IGSF11: variants seen among roughly 807,000 people sequenced by gnomAD.
IGSF11 encodes immunoglobulin superfamily member 11.
IGSF11 carries 22 observed loss-of-function variants against 41.0 expected under a neutral mutation model. The observed-to-expected ratio is 0.54, with a 90% confidence interval of 0.38 to 0.77. IGSF11 has a LOEUF of 0.77. Ranked by LOEUF, IGSF11 falls within the 30% of genes least tolerant of loss-of-function variation. The pLI is 0.00. For synonymous variants in IGSF11, 219 were observed against 201.3 expected (o/e 1.09, Z -0.74); for missense variants, 444 against 530.8 (o/e 0.84, Z 1.61).
At chr3:118,959,875 G>A (rs957270750) in intron 1 of IGSF11, among the ~76,000 whole-genome samples, 47 of 151,914 alleles carry the variant, frequency 3.1e-4, no homozygotes, top group Middle Eastern at 6.8e-3. Context: ...GTGAAACCCC[G>A]CCTCTAAAAA....
chr3:119,120,956 A>G (rs1482172902), intron 1 of IGSF11, among the ~76,000 whole-genome samples: 1 of 152,242 alleles, frequency 6.6e-6, no homozygotes, highest in Non-Finnish European at 1.5e-5. Flanking sequence ...CTAACTGCCT[A>G]AAACTAGTAT....
chr3:119,120,525 T>C (rs1241471097), intron 1 of IGSF11, among the ~76,000 whole-genome samples: 2 of 152,220 alleles, frequency 1.3e-5, no homozygotes, highest in Non-Finnish European at 2.9e-5. Context: ...GGTCTCTGGT[T>C]TGCAGTGGAA....
At chr3:119,128,386 G>T (rs2077432952) in intron 1 of IGSF11, among the ~76,000 whole-genome samples, 2 of 151,820 alleles carry the variant, frequency 1.3e-5, no homozygotes, top group South Asian at 4.2e-4. Context: ...GAGAAACAGA[G>T]AAAGAGAGAG....
At chr3:118,910,051 C>T (rs1940077808) in intron 4 of IGSF11, among the ~76,000 whole-genome samples, 1 of 152,156 alleles carries the variant, frequency 6.6e-6, no homozygotes, top group Non-Finnish European at 1.5e-5. Flanking sequence ...AAGCTACAAG[C>T]AAGACCAACT....
chr3:119,003,790 G>C (rs994670707), intron 1 of IGSF11, among the ~76,000 whole-genome samples: 10 of 151,478 alleles, frequency 6.6e-5, no homozygotes, highest in African/African-American at 2.4e-4. Flanking sequence ...TATTGAACCA[G>C]CCTTGCATCC....
chr3:118,922,472 A>G (rs1462305058), intron 4 of IGSF11, among the ~76,000 whole-genome samples: 1 of 152,012 alleles, frequency 6.6e-6, no homozygotes, highest in Non-Finnish European at 1.5e-5. Flanking sequence ...TTTCTAGCAT[A>G]CAATACAGTA....
chr3:119,040,727 C>CACTGA (rs1559828912), intron 1 of IGSF11, among the ~76,000 whole-genome samples: 1 of 152,114 alleles, frequency 6.6e-6, no homozygotes, highest in East Asian at 1.9e-4. Flanking sequence ...GATCATGACA[C>CACTGA]ATGTAGATAC....
chr3:118,962,858 A>T (rs1945434459), intron 1 of IGSF11, among the ~76,000 whole-genome samples: 1 of 152,172 alleles, frequency 6.6e-6, no homozygotes, highest in Admixed American at 6.5e-5. Flanking sequence ...AGAAATAAGG[A>T]GGAAAACAGT....
At chr3:118,942,441 C>T (rs1228300246) in intron 1 of IGSF11, among the ~76,000 whole-genome samples, 1 of 152,214 alleles carries the variant, frequency 6.6e-6, no homozygotes, top group African/African-American at 2.4e-5. Flanking sequence ...CAACATAGAA[C>T]TTGTTCTGTC....
chr3:119,112,580 G>A (rs13080735), intron 1 of IGSF11: 17,677 of 152,626 alleles, frequency 0.12, 1,153 homozygotes, highest in East Asian at 0.23. Context: ...GCTTTGGCTC[G>A]TGCATGGTAC....
chr3:119,104,364 C>T (rs1413241403), intron 1 of IGSF11, among the ~76,000 whole-genome samples: 5 of 152,154 alleles, frequency 3.3e-5, no homozygotes, highest in South Asian at 2.1e-4. Flanking sequence ...TCAAACTCCC[C>T]GTAATCTGCT....
At chr3:119,027,816 C>T (rs1939967180) in intron 1 of IGSF11, among the ~76,000 whole-genome samples, 1 of 152,146 alleles carries the variant, frequency 6.6e-6, no homozygotes, top group African/African-American at 2.4e-5. Flanking sequence ...AAGTCTTGAT[C>T]AACAAGGCTA....
intron 1 of IGSF11, among the ~76,000 whole-genome samples, chr3:119,019,825 G>A (rs991551903): frequency 1.3e-5 from 2 of 152,126 alleles, no homozygotes; most frequent in African/African-American, 4.8e-5. Context: ...CTGGCCATTT[G>A]TCTCTGATTG....
chr3:118,968,545 C>A (rs961703765), intron 1 of IGSF11, among the ~76,000 whole-genome samples: 2 of 152,066 alleles, frequency 1.3e-5, no homozygotes, highest in African/African-American at 4.8e-5. Flanking sequence ...GAATTTAGGG[C>A]AAAACATTCT....
At chr3:119,083,568 C>T (rs2076621792) in intron 1 of IGSF11, among the ~76,000 whole-genome samples, 1 of 151,496 alleles carries the variant, frequency 6.6e-6, no homozygotes, top group Admixed American at 6.6e-5. Flanking sequence ...AGTCATGTAC[C>T]ACATAATGAT....
At chr3:119,084,071 T>TA (rs1410184694) in intron 1 of IGSF11, among the ~76,000 whole-genome samples, 1 of 152,134 alleles carries the variant, frequency 6.6e-6, no homozygotes. Context: ...GTCTGTGTCT[T>TA]AGTTTTTAAC....
At chr3:119,039,370 A>G (rs140483709), upstream of IGSF11, among the ~76,000 whole-genome samples, 15 of 152,226 alleles carry the variant, frequency 9.9e-5, no homozygotes, top group South Asian at 2.1e-4. Flanking sequence ...CCCTTCTTCT[A>G]TCTTCAAATC....
At chr3:119,109,553 T>A (rs1406546923), upstream of IGSF11, among the ~76,000 whole-genome samples, 1 of 151,934 alleles carries the variant, frequency 6.6e-6, no homozygotes, top group South Asian at 2.1e-4. Context: ...CCTGGATTCA[T>A]TAATTTTTTG....
chr3:118,934,978 C>G (rs1411935923), intron 1 of IGSF11, among the ~76,000 whole-genome samples: 1 of 152,024 alleles, frequency 6.6e-6, no homozygotes, highest in Non-Finnish European at 1.5e-5. Flanking sequence ...TACTTAGTAA[C>G]CTACTCATCA....
Sources: allele counts gnomAD v4.1 joint callset (sites outside exome capture counted in the v4.1 genomes callset), GRCh38; gene constraint gnomAD v4.1.1; transcripts MANE v1.5; gene names NCBI Gene and HGNC (gene_info 2026-07-23, HGNC 2026-07-21).